Variants in CCNB2 observed in about 807,000 individuals in gnomAD.
The protein encoded by CCNB2 is cyclin B2, also known as G2/mitotic-specific cyclin-B2.
In CCNB2, 39 loss-of-function variants were observed where a neutral mutation model predicts 51.1. The observed-to-expected ratio is 0.76, with a 90% CI of 0.59 to 1.00. The LOEUF (loss-of-function observed/expected upper bound fraction) is 1.00. Ranked by LOEUF, CCNB2 falls within the 50% of genes least tolerant of loss-of-function variation. The probability of loss-of-function intolerance (pLI) is 0.00; values close to 1 mark genes in which losing one functional copy is unlikely to be tolerated. For missense variants in CCNB2, 472 were observed against 470.3 expected, an observed-to-expected ratio of 1.00 and a Z score of -0.03; for synonymous variants, 174 against 165.5, an observed-to-expected ratio of 1.05 and a Z score of -0.40.
chr15:59,122,183 G>A (rs536565727), intron 7 of CCNB2, among the ~76,000 whole-genome samples: 4 of 147,596 alleles, frequency 2.7e-5, no homozygotes, highest in African/African-American at 7.5e-5. Context: ...TGAAAAAAAC[G>A]TACTTTCGCT....
chr15:59,112,592 A>G (rs1448715201), intron 3 of CCNB2, among the ~76,000 whole-genome samples: 6 of 151,522 alleles, frequency 4.0e-5, no homozygotes, highest in Non-Finnish European at 8.8e-5. Flanking sequence ...TGATCCACCC[A>G]CCTTGGCCTC....
At chr15:59,115,837 CCTT>C (rs1275649645) in intron 5 of CCNB2, 1 of 152,100 alleles carries the variant, frequency 6.6e-6, no homozygotes, top group African/African-American at 2.4e-5. Flanking sequence ...TTCAATCAAT[CCTT>C]CTACCTCAGC....
chr15:59,108,688 G>C (rs1355729605), intron 3 of CCNB2, among the ~76,000 whole-genome samples: 1 of 152,198 alleles, frequency 6.6e-6, no homozygotes, highest in Non-Finnish European at 1.5e-5. Context: ...GGTAGCTTTG[G>C]TAAAGGTATC....
intron 3 of CCNB2, among the ~76,000 whole-genome samples, 179 bp from the exon 4 acceptor site, chr15:59,114,265 G>T (rs1484523875): frequency 6.6e-6 from 1 of 152,190 alleles, no homozygotes; most frequent in African/African-American, 2.4e-5. Flanking sequence ...TTTAAACAGA[G>T]AAGTGTCTCT....
chr15:59,124,322 A>G (rs2079316034), intron 8 of CCNB2: 1 of 174,738 alleles, frequency 5.7e-6, no homozygotes, highest in Admixed American at 5.5e-5. Context: ...ATGGAAGTGT[A>G]ATATGTGTTC....
At position 59,124,315 on chromosome 15, in the gene CCNB2, G is replaced by A. The variant is rs866832961; in HGVS notation, c.1087-452G>A. ...TCCTCACAACATGATTTGCTTCATG[G>A]AAGTGTAATATGTGTTCAGTCCTGA... On this transcript the variant is annotated intron_variant, in intron 8 of 8. Transcript: ENST00000288207. 9.9e-5 allele frequency: 17 copies of A among 171,280 alleles called. No individual in the cohort carries two copies. The Middle Eastern group carries it at 8.3e-3, about 84-fold the overall frequency. The allele number at this position is 171,280 out of a possible 1,614,324, so 10.6% of individuals were successfully genotyped here.
intron 3 of CCNB2, among the ~76,000 whole-genome samples, chr15:59,114,095 G>A (rs944602988): frequency 6.6e-6 from 1 of 152,146 alleles, no homozygotes; most frequent in Admixed American, 6.6e-5. Context: ...TGGACATAGG[G>A]GCAAGAGCAT....
At chr15:59,121,139 A>C (rs1282106407) in intron 7 of CCNB2, 1 of 152,220 alleles carries the variant, frequency 6.6e-6, no homozygotes, top group Non-Finnish European at 1.5e-5. Flanking sequence ...AACATTTAGC[A>C]GGGATGTGCT....
chr15:59,116,597 C>G, intron 5 of CCNB2, 93 bp from the exon 6 acceptor site: 1 of 806,044 alleles, frequency 1.2e-6, no homozygotes, highest in Non-Finnish European at 2.0e-6. Context: ...ACAATGTGCA[C>G]TTTTCCAGGA....
chr15:59,117,243 C>T lies in CCNB2; in HGVS notation c.850C>T (p.His284Tyr). The change falls in exon 7 of 9, where the codon CAC becomes TAC. Residue 284 changes from histidine to tyrosine, a missense_variant. His to Tyr is a moderately conservative substitution (Grantham distance 83, BLOSUM62 2). Coordinates refer to ENST00000288207, the MANE Select transcript of CCNB2 (RefSeq NM_004701.4). ...TCTTTCTTAGGTTGATGTTGAACAGCACACTTTAGCCAAGTATTTGATGGA... is the reference window on the plus strand; with the variant it reads ...TCTTTCTTAGGTTGATGTTGAACAGTACACTTTAGCCAAGTATTTGATGGA... ...SKAGEVDVEQ[H>Y]TLAKYLMELT... 1 of 1,612,854 alleles carries T rather than the reference C, an allele frequency of 6.2e-7. No homozygotes were observed. Among genetic ancestry groups the T allele is most frequent in the Non-Finnish European group, 8.5e-7 (1 of 1,179,912 alleles).
chr15:59,113,737 G>T (rs2079267271), intron 3 of CCNB2, among the ~76,000 whole-genome samples: 1 of 152,258 alleles, frequency 6.6e-6, no homozygotes, highest in Admixed American at 6.5e-5. Context: ...TATTTGGTTG[G>T]TTTTGAGGCG....
intron 4 of CCNB2, 49 bp from the exon 5 acceptor site, chr15:59,114,669 C>T (rs1256359172): frequency 6.3e-7 from 1 of 1,590,130 alleles, no homozygotes; most frequent in African/African-American, 1.3e-5. Flanking sequence ...TACCACACAG[C>T]TGGGAAGCAA....
At chr15:59,119,460 CAAAA>C (rs370628686) in intron 7 of CCNB2, among the ~76,000 whole-genome samples, 4 of 83,906 alleles carry the variant, frequency 4.8e-5, no homozygotes, top group African/African-American at 9.4e-5. Flanking sequence ...ACCCTGTCTC[CAAAA>C]AAAAAAAAAA....
intron 7 of CCNB2, among the ~76,000 whole-genome samples, chr15:59,119,460 CA>C (rs370628686): frequency 1.2e-3 from 103 of 83,898 alleles, no homozygotes; most frequent in African/African-American, 1.5e-3. Flanking sequence ...ACCCTGTCTC[CA>C]AAAAAAAAAA....
intron 3 of CCNB2, among the ~76,000 whole-genome samples, chr15:59,110,201 C>T (rs1372376696): frequency 6.6e-6 from 1 of 152,020 alleles, no homozygotes; most frequent in Non-Finnish European, 1.5e-5. Context: ...TCCTTTACTC[C>T]TTGGCTGACT....
chr15:59,125,000 A>G lies in CCNB2; in HGVS notation c.*123A>G. On this transcript the variant is annotated 3_prime_UTR_variant, in exon 9 of 9. Transcript: ENST00000288207. ...AAACCTCTTCTCAGACCAGTTTTCT[A>G]AACATATATTGAGGAAAAATAAAGC... The G allele has an allele frequency of 1.9e-6, 1 of 533,562 alleles. No homozygotes were observed. The highest frequency in any genetic ancestry group is 3.3e-6 in the Non-Finnish European group (1 of 305,552). The allele number at this position is 533,562 out of a possible 1,614,324, so 33.1% of individuals were successfully genotyped here.
chr15:59,107,408 A>G lies in CCNB2; in HGVS notation c.111A>G (p.Glu37=). The G allele has an allele frequency of 6.2e-7, 1 of 1,614,154 alleles. No individual in the cohort carries two copies. The highest frequency in any genetic ancestry group is 8.5e-7 in the Non-Finnish European group (1 of 1,180,032). The change falls in exon 2 of 9, where the codon GAA becomes GAG. Residue 37 remains glutamate, a synonymous_variant. Transcript: ENST00000288207. ...HVTIRRTVLE[E]IGNRVTTRAA... is the part of the protein sequence containing the mutation. The stretch of plus-strand genomic sequence containing the variant: ...CTATTAGGCGAACTGTTTTAGAAGA[A>G]ATTGGAAATAGAGTTACAACCAGAG...
intron 3 of CCNB2, among the ~76,000 whole-genome samples, chr15:59,108,466 A>G (rs980861816): frequency 6.6e-6 from 1 of 152,222 alleles, no homozygotes; most frequent in Non-Finnish European, 1.5e-5. Context: ...GATCTTCCCT[A>G]AGCGCCTACC....
chr15:59,122,596 A>G (rs1402272382), intron 7 of CCNB2, among the ~76,000 whole-genome samples: 4 of 146,864 alleles, frequency 2.7e-5, no homozygotes, highest in Admixed American at 1.4e-4. Context: ...CTGGAGTGCA[A>G]TGGCGTTAAT....
Sources: gnomAD v4.1 joint callset for allele counts (sites outside exome capture counted in the v4.1 genomes callset) on GRCh38, gnomAD v4.1.1 for gene constraint, MANE v1.5 for transcripts, NCBI Gene and HGNC (gene_info 2026-07-23, HGNC 2026-07-21) for gene names.